Variants in HS3ST5 observed in about 807,000 individuals in gnomAD.
The protein encoded by HS3ST5 is heparan sulfate glucosamine 3-O-sulfotransferase 5.
In HS3ST5, 10 loss-of-function variants were observed where a neutral mutation model predicts 25.4. That is an observed-to-expected ratio of 0.39 (90% CI 0.24 to 0.67). The LOEUF is 0.67. Among genes scored for constraint, HS3ST5 ranks in the 30% least tolerant of loss-of-function variants. The pLI, the probability that HS3ST5 is intolerant of heterozygous loss-of-function variation, is 0.44. For synonymous variants in HS3ST5, 170 were observed against 162.4 expected (o/e 1.05, Z -0.36); for missense variants, 324 against 420.7 (o/e 0.77, Z 2.01).
chr6:114,150,610 T>C lies in HS3ST5; in HGVS notation c.-33+17741A>G, dbSNP rs55639535. On this transcript the variant is annotated intron_variant, in intron 3 of 4. Transcript: ENST00000312719. ...TTCAAGAGAGGTTTTATGAAGAATA[T>C]GGGGTTTCACAAGCTGTCTGGGTGT... Among the ~76,000 whole-genome samples, 616 of 152,288 alleles carry C rather than the reference T, an allele frequency of 4.0e-3. 7 individuals are homozygous for C. Among genetic ancestry groups the C allele is most frequent in the African/African-American group, 0.014 (598 of 41,570 alleles).
intron 1 of HS3ST5, among the ~76,000 whole-genome samples, chr6:114,256,013 C>T (rs1772891768): frequency 6.6e-6 from 1 of 152,160 alleles, no homozygotes; most frequent in South Asian, 2.1e-4. Context: ...TTTTCTATCA[C>T]ATCGTCAGGC....
intron 2 of HS3ST5, among the ~76,000 whole-genome samples, chr6:114,170,562 A>ATCC (rs774009139): frequency 6.6e-6 from 1 of 152,154 alleles, no homozygotes; most frequent in Non-Finnish European, 1.5e-5. Context: ...GCAAATAGTA[A>ATCC]ATACTGTTTC....
chr6:114,072,944 A>T (rs1170125755), intron 3 of HS3ST5, among the ~76,000 whole-genome samples: 2 of 152,206 alleles, frequency 1.3e-5, no homozygotes. Context: ...ACCAAAACAG[A>T]TATATAGACC....
In HS3ST5 at chr6:114,225,680, C is replaced by T. The variant is rs1341631503; in HGVS notation, c.-145+2905G>A. 2.0e-5 allele frequency among the ~76,000 whole-genome samples: 3 copies of T among 151,772 alleles called. No homozygotes were observed. The East Asian group carries it at 5.8e-4, about 29-fold the overall frequency. On this transcript the variant is annotated intron_variant, in intron 2 of 4. Coordinates refer to ENST00000312719, the MANE Select transcript of HS3ST5 (RefSeq NM_153612.4). ...GTCACATAAAAGAATGTATCTAAAGCCTGTTTGATAATTGTCATTGTGTTC... is the reference window on the plus strand; with the variant it reads ...GTCACATAAAAGAATGTATCTAAAGTCTGTTTGATAATTGTCATTGTGTTC...
intron 3 of HS3ST5, among the ~76,000 whole-genome samples, chr6:114,166,283 T>A (rs1779205478): frequency 6.6e-6 from 1 of 152,092 alleles, no homozygotes; most frequent in African/African-American, 2.4e-5. Flanking sequence ...ACCAATAATC[T>A]AAGGATTTAT....
intron 3 of HS3ST5, among the ~76,000 whole-genome samples, chr6:114,069,966 G>T (rs1257623511): frequency 6.6e-6 from 1 of 152,050 alleles, no homozygotes; most frequent in African/African-American, 2.4e-5. Flanking sequence ...AGTTTTGGGG[G>T]TACAGGTGGT....
intron 2 of HS3ST5, among the ~76,000 whole-genome samples, chr6:114,216,847 A>G (rs1398895523): frequency 6.6e-6 from 1 of 152,010 alleles, no homozygotes; most frequent in African/African-American, 2.4e-5. Flanking sequence ...GGCTGCCCAC[A>G]GTAGGTTAAA....
rs1395397802 is a variant in HS3ST5 at position 114,342,205 on chromosome 6, G to C, written c.-349C>G. On this transcript the variant is annotated 5_prime_UTR_variant, in exon 1 of 5. Transcript: ENST00000312719. Reference sequence around the variant, plus strand: ...GCGCGCCTTGCTCACCGTGGTCCCCGGCGGTGGCGGCGCGGGCGGGAGCCT... The same window carrying C: ...GCGCGCCTTGCTCACCGTGGTCCCCCGCGGTGGCGGCGCGGGCGGGAGCCT... The C allele has an allele frequency of 5.9e-5, 9 of 152,772 alleles. No homozygotes were observed. The Admixed American group carries it at 5.9e-4, about 10-fold the overall frequency. 9.5% of individuals were successfully genotyped at this position (152,772 alleles called of 1,614,324 possible). A position where few individuals can be genotyped will look rare whatever the true frequency, so the allele number is the denominator to read the frequency against.
At chr6:114,207,159 A>G (rs1032377467) in intron 2 of HS3ST5, among the ~76,000 whole-genome samples, 10 of 152,088 alleles carry the variant, frequency 6.6e-5, no homozygotes, top group Non-Finnish European at 1.3e-4. Context: ...ATTGTCACAC[A>G]TTTTTCTTAC....
chr6:114,341,716 T>TTGCCTGCCCTCTGCCTGTCCTC (rs1776886869), intron 1 of HS3ST5, among the ~76,000 whole-genome samples: 1 of 152,058 alleles, frequency 6.6e-6, no homozygotes, highest in Non-Finnish European at 1.5e-5. Context: ...TGCCTGTTCT[T>TTGCCTGCCCTCTGCCTGTCCTC]TGCCTGCCCT....
chr6:114,155,134 T>C (rs1307059670), intron 3 of HS3ST5, among the ~76,000 whole-genome samples: 1 of 152,186 alleles, frequency 6.6e-6, no homozygotes, highest in East Asian at 1.9e-4. Flanking sequence ...TGTAGAACAA[T>C]ATCTCTCAGG....
At chr6:114,281,918 T>C (rs1194738224) in intron 1 of HS3ST5, 2 of 151,906 alleles carry the variant, frequency 1.3e-5, no homozygotes, top group Non-Finnish European at 2.9e-5. Flanking sequence ...TAAGCACCTT[T>C]TACAAAAAAA....
At chr6:114,140,924 G>A (rs1777873254) in intron 3 of HS3ST5, among the ~76,000 whole-genome samples, 1 of 152,116 alleles carries the variant, frequency 6.6e-6, no homozygotes. Flanking sequence ...GTAAATTGAA[G>A]AAATATACCC....
At chr6:114,089,568 G>A (rs976943273) in intron 3 of HS3ST5, among the ~76,000 whole-genome samples, 12 of 151,998 alleles carry the variant, frequency 7.9e-5, no homozygotes, top group Non-Finnish European at 1.6e-4. Flanking sequence ...TTTTATTAGC[G>A]CTTCCACTTT....
At chr6:114,299,332 G>A (rs944115610) in intron 1 of HS3ST5, among the ~76,000 whole-genome samples, 1 of 152,156 alleles carries the variant, frequency 6.6e-6, no homozygotes, top group African/African-American at 2.4e-5. Context: ...TGTTATCAAT[G>A]ACAATGGTGC....
At position 114,198,724 on chromosome 6, in the gene HS3ST5, GACTTT is replaced by G. The variant is rs1302971323; in HGVS notation, c.-145+29856_-145+29860del. Among the ~76,000 whole-genome samples, 4 of 152,226 alleles carry G rather than the reference GACTTT, an allele frequency of 2.6e-5. No homozygotes were observed. The East Asian group carries it at 5.8e-4, about 22-fold the overall frequency. ...TTGGAAGCATTCTATACTGATTGTG[GACTTT>G]ACTTTGTAAATCATGTGGTTATAAG... On this transcript the variant is annotated intron_variant, in intron 2 of 4. Coordinates refer to ENST00000312719, the MANE Select transcript of HS3ST5 (RefSeq NM_153612.4).
intron 3 of HS3ST5, among the ~76,000 whole-genome samples, chr6:114,085,186 CCTTA>C (rs1435648160): frequency 6.6e-6 from 1 of 152,112 alleles, no homozygotes; most frequent in South Asian, 2.1e-4. Flanking sequence ...ACTCACAGTG[CCTTA>C]CTTCTTTTAC....
chr6:114,268,522 T>TA (rs767877848), intron 1 of HS3ST5, among the ~76,000 whole-genome samples: 2 of 152,196 alleles, frequency 1.3e-5, no homozygotes, highest in Non-Finnish European at 2.9e-5. Context: ...GAGACATGTG[T>TA]AATACAGTAT....
At chr6:114,183,007 C>T (rs1403923390) in intron 2 of HS3ST5, among the ~76,000 whole-genome samples, 1 of 152,066 alleles carries the variant, frequency 6.6e-6, no homozygotes, top group Non-Finnish European at 1.5e-5. Flanking sequence ...ATCTTCTACC[C>T]TTGGACTGAG....
Sources: gnomAD v4.1 joint callset for allele counts (sites outside exome capture counted in the v4.1 genomes callset) on GRCh38, gnomAD v4.1.1 for gene constraint, MANE v1.5 for transcripts, NCBI Gene and HGNC (gene_info 2026-07-23, HGNC 2026-07-21) for gene names.